LOXL2: variants seen among roughly 807,000 people sequenced by gnomAD.
LOXL2 encodes the protein lysyl oxidase like 2.
LOXL2 carries 70 observed loss-of-function variants against 93.0 expected under a neutral mutation model. That is an observed-to-expected ratio of 0.75 (90% CI 0.62 to 0.92). LOXL2 has a LOEUF of 0.92. Among genes scored for constraint, LOXL2 ranks in the 40% least tolerant of loss-of-function variants. LOXL2 has a pLI of 0.00. For missense variants in LOXL2, 973 were observed against 1,054.9 expected (o/e 0.92, Z 1.08); for synonymous variants, 438 against 413.2 (o/e 1.06, Z -0.73).
At chr8:23,310,188 C>T (rs11135724) in intron 9 of LOXL2, among the ~76,000 whole-genome samples, 104,126 of 152,130 alleles carry the variant, frequency 0.68, 36,652 homozygotes, top group East Asian at 0.9. Context: ...AAGCACAGAT[C>T]ATGGTACGTT....
intron 1 of LOXL2, chr8:23,382,362 A>T (rs1468775642): frequency 6.6e-6 from 1 of 151,948 alleles, no homozygotes; most frequent in African/African-American, 2.4e-5. Context: ...CTAAAATTAC[A>T]AAAATTATCC....
intron 4 of LOXL2, among the ~76,000 whole-genome samples, chr8:23,338,457 CA>C (rs1410107626): frequency 2.0e-5 from 3 of 152,158 alleles, no homozygotes; most frequent in African/African-American, 7.2e-5. Flanking sequence ...GGGGGTTAAG[CA>C]GGTGAGCTTC....
At chr8:23,299,868 G>A (rs1585339360) in intron 12 of LOXL2, among the ~76,000 whole-genome samples, 1 of 152,242 alleles carries the variant, frequency 6.6e-6, no homozygotes, top group East Asian at 1.9e-4. Context: ...GAGGTGCTGT[G>A]GGAAGCCAAG....
intron 1 of LOXL2, among the ~76,000 whole-genome samples, chr8:23,373,885 G>T (rs7819048): frequency 0.35 from 52,244 of 150,816 alleles, 9,177 homozygotes; most frequent in East Asian, 0.45. Context: ...TCCCCCAAGG[G>T]CTTCAGAGAC....
At chr8:23,395,189 G>A (rs555973419) in intron 1 of LOXL2, among the ~76,000 whole-genome samples, 2 of 152,190 alleles carry the variant, frequency 1.3e-5, no homozygotes, top group South Asian at 4.1e-4. Flanking sequence ...GGGAGACGGA[G>A]GTTGCAGTGA....
intron 1 of LOXL2, among the ~76,000 whole-genome samples, chr8:23,374,979 G>A (rs1804564106): frequency 6.6e-6 from 1 of 152,168 alleles, no homozygotes; most frequent in Non-Finnish European, 1.5e-5. Context: ...TTTGGCTTTT[G>A]TTGCCATTGC....
At chr8:23,386,386 C>A (rs1223370029) in intron 1 of LOXL2, among the ~76,000 whole-genome samples, 1 of 152,120 alleles carries the variant, frequency 6.6e-6, no homozygotes, top group African/African-American at 2.4e-5. Flanking sequence ...GAGCAAGACT[C>A]CCTCTCCAAA....
At chr8:23,333,725 A>T in intron 4 of LOXL2, 102 bp from the exon 5 acceptor site, 1 of 909,698 alleles carries the variant, frequency 1.1e-6, no homozygotes, top group South Asian at 1.6e-5. Flanking sequence ...CTGCTCCTGG[A>T]GCTCAGCCCT....
chr8:23,379,512 C>T (rs1012109343), intron 1 of LOXL2, among the ~76,000 whole-genome samples: 2 of 152,178 alleles, frequency 1.3e-5, no homozygotes, highest in East Asian at 1.9e-4. Context: ...GCCTTTTGTT[C>T]GGCCATGCCC....
intron 4 of LOXL2, 55 bp downstream of exon 4, chr8:23,340,935 ACT>A (rs1434772015): frequency 6.7e-7 from 1 of 1,481,652 alleles, no homozygotes; most frequent in Non-Finnish European, 9.4e-7. Context: ...GACACTTTTA[ACT>A]CTTTTAGGCA....
intron 4 of LOXL2, among the ~76,000 whole-genome samples, 164 bp downstream of exon 4, chr8:23,340,828 T>C (rs1803870370): frequency 6.6e-6 from 1 of 152,128 alleles, no homozygotes; most frequent in East Asian, 1.9e-4. Context: ...CCCTTGAACT[T>C]GGCGCCTGGC....
intron 3 of LOXL2, among the ~76,000 whole-genome samples, chr8:23,352,554 C>T (rs1804111983): frequency 6.6e-6 from 1 of 152,182 alleles, no homozygotes; most frequent in East Asian, 1.9e-4. Flanking sequence ...CCTCCACCCT[C>T]TGCCGCCCCC....
At chr8:23,337,744 A>G (rs1803816274) in intron 4 of LOXL2, among the ~76,000 whole-genome samples, 1 of 152,206 alleles carries the variant, frequency 6.6e-6, no homozygotes, top group Non-Finnish European at 1.5e-5. Flanking sequence ...TCTTGGCACC[A>G]GGAATGGGGG....
rs1803440622 is a variant in LOXL2 at position 23,318,457 on chromosome 8, AC to A, written c.1471-1344del. Among the ~76,000 whole-genome samples, 5 of 124,912 alleles carry A rather than the reference AC, an allele frequency of 4.0e-5. No homozygotes were observed. In the East Asian group the frequency reaches 5.9e-4, roughly 15 times the overall value. The allele number at this position is 124,912 out of a possible 152,430, so 81.9% of individuals were successfully genotyped here. A position where few individuals can be genotyped will look rare whatever the true frequency, so the allele number is the denominator to read the frequency against. ...CACACACACACACACACACACACAC[AC>A]ACAAAAATACACATTCATACAACCT... On this transcript the variant is annotated intron_variant, in intron 8 of 13. Coordinates refer to ENST00000389131, the MANE Select transcript of LOXL2 (RefSeq NM_002318.3).
rs368479016 is a variant in LOXL2, at chr8:23,316,930, G to T, written c.1636+19C>A. ...GTCCCCTTGGGAGCCCGGTGGGGAG[G>T]GAGGGGAGGAGCTCTCACTTTCTGA... On this transcript the variant is annotated intron_variant, in intron 9 of 13. Transcript: ENST00000389131. 1 of 1,565,642 alleles carries T rather than the reference G, an allele frequency of 6.4e-7. No homozygotes were observed. The highest frequency in any genetic ancestry group is 1.4e-5 in the African/African-American group (1 of 73,136).
At chr8:23,346,440 C>T (rs17089142) in intron 3 of LOXL2, among the ~76,000 whole-genome samples, 37,671 of 151,564 alleles carry the variant, frequency 0.25, 5,847 homozygotes, top group African/African-American at 0.45. Flanking sequence ...TGATTTGCAC[C>T]CGTTCCTAGA....
intron 1 of LOXL2, among the ~76,000 whole-genome samples, chr8:23,398,719 C>T (rs1224881432): frequency 1.3e-5 from 2 of 152,190 alleles, no homozygotes; most frequent in African/African-American, 2.4e-5. Flanking sequence ...CACTCTGTCA[C>T]CCAGGCTGGA....
intron 10 of LOXL2, among the ~76,000 whole-genome samples, chr8:23,303,651 G>A (rs946449834): frequency 1.6e-4 from 25 of 152,194 alleles, no homozygotes; most frequent in Non-Finnish European, 1.6e-4. Context: ...AATGATCATC[G>A]TAATGCATGG....
chr8:23,403,405 G>A (rs1387816306), intron 1 of LOXL2, among the ~76,000 whole-genome samples: 1 of 152,100 alleles, frequency 6.6e-6, no homozygotes, highest in Non-Finnish European at 1.5e-5. Flanking sequence ...GAGCAGGCTG[G>A]GGGTTGAACC....
Sources: gnomAD v4.1 joint callset for allele counts (sites outside exome capture counted in the v4.1 genomes callset) on GRCh38, gnomAD v4.1.1 for gene constraint, MANE v1.5 for transcripts, NCBI Gene and HGNC (gene_info 2026-07-23, HGNC 2026-07-21) for gene names.